Variants in ACP3 observed in about 807,000 individuals in gnomAD.
ACP3 encodes the protein prostatic acid phosphatase.
A neutral mutation model predicts 45.6 loss-of-function variants in ACP3; 38 were observed. The observed-to-expected ratio is 0.83, with a 90% CI of 0.64 to 1.09. The LOEUF is 1.09. Ranked by LOEUF, ACP3 falls within the 50% of genes least tolerant of loss-of-function variation. The pLI, the probability that ACP3 is intolerant of heterozygous loss-of-function variation, is 0.00. For synonymous variants in ACP3, 162 were observed against 164.7 expected (o/e 0.98, Z 0.13); for missense variants, 466 against 463.2 (o/e 1.01, Z -0.05).
intron 4 of ACP3, 112 bp downstream of exon 4, chr3:132,332,456 T>A: frequency 8.3e-7 from 1 of 1,211,174 alleles, no homozygotes; most frequent in Non-Finnish European, 1.2e-6. Context: ...TGTGCAGTTT[T>A]AATTCTTTCT....
chr3:132,352,859 T>C (rs1559841972), intron 9 of ACP3, 36 bp downstream of exon 9: 10 of 1,420,160 alleles, frequency 7.0e-6, no homozygotes, highest in Non-Finnish European at 1.0e-5. Flanking sequence ...TCAGTATCAC[T>C]GGACCTTGGG....
At chr3:132,348,952 T>C (rs1008933146) in intron 7 of ACP3, among the ~76,000 whole-genome samples, 3 of 130,806 alleles carry the variant, frequency 2.3e-5, no homozygotes, top group Non-Finnish European at 5.3e-5. Context: ...CTACAGAACC[T>C]GAGATTATAG....
At chr3:132,361,475 C>T (rs1456642886), downstream of ACP3, among the ~76,000 whole-genome samples, 1 of 152,146 alleles carries the variant, frequency 6.6e-6, no homozygotes, top group African/African-American at 2.4e-5. Context: ...ATACCTAAGC[C>T]TCTAGATCAA....
At chr3:132,337,063 G>GGTGTGTGTGT in intron 4 of ACP3, among the ~76,000 whole-genome samples, 2 of 144,996 alleles carry the variant, frequency 1.4e-5, no homozygotes, top group South Asian at 2.2e-4. Context: ...CATGCGTTGG[G>GGTGTGTGTGT]GTGTGTGTGT....
chr3:132,359,374 G>A (rs565779441), downstream of ACP3, among the ~76,000 whole-genome samples: 34 of 152,248 alleles, frequency 2.2e-4, no homozygotes, highest in East Asian at 7.7e-4. Flanking sequence ...CGGGCATGGT[G>A]GCGGGCACCT....
chr3:132,339,633 C>G (rs1479041649), intron 5 of ACP3, among the ~76,000 whole-genome samples: 1 of 152,186 alleles, frequency 6.6e-6, no homozygotes, highest in African/African-American at 2.4e-5. Context: ...AAGGATATTA[C>G]AAAAGATATA....
chr3:132,329,172 A>G (rs1380944992), intron 2 of ACP3, among the ~76,000 whole-genome samples: 1 of 152,194 alleles, frequency 6.6e-6, no homozygotes. Flanking sequence ...GGCCAGGTGA[A>G]TTGCTTCTGT....
chr3:132,354,499 T>C (rs1000482181), intron 9 of ACP3, among the ~76,000 whole-genome samples: 1 of 152,228 alleles, frequency 6.6e-6, no homozygotes, highest in Non-Finnish European at 1.5e-5. Flanking sequence ...ATTTTTTTTA[T>C]TGGCACTCCA....
At chr3:132,333,562 T>G (rs1266166132) in intron 4 of ACP3, 1 of 152,602 alleles carries the variant, frequency 6.6e-6, no homozygotes, top group East Asian at 1.9e-4. Flanking sequence ...ATCTAGGGAC[T>G]TAGGGATTTT....
In ACP3 at chr3:132,352,714, C is replaced by G. The variant is rs758267901; in HGVS notation, c.865-6C>G. ...CAGGCGATAAAATTGATTTCAATCT[C>G]TGTAGCATGACACTACTGTGAGTGG... On this transcript the variant is annotated splice_region_variant and splice_polypyrimidine_tract_variant and intron_variant, in intron 8 of 9. Coordinates refer to ENST00000336375, the MANE Select transcript of ACP3 (RefSeq NM_001099.5). The G allele has an allele frequency of 5.6e-6, 9 of 1,602,194 alleles. No individual in the cohort carries two copies. In the East Asian group the frequency reaches 2.0e-4, roughly 36 times the overall value.
chr3:132,321,163 G>A (rs984677692), intron 1 of ACP3, among the ~76,000 whole-genome samples: 5 of 151,930 alleles, frequency 3.3e-5, no homozygotes, highest in Admixed American at 6.6e-5. Context: ...AAACCCTGTC[G>A]CTTGGGTTGG....
Position 132,349,929 on chromosome 3 carries a change from T to C in ACP3, c.791T>C (p.Val264Ala). 1 of 1,611,768 alleles carries C rather than the reference T, an allele frequency of 6.2e-7. No individual in the cohort carries two copies. The highest frequency in any genetic ancestry group is 8.5e-7 in the Non-Finnish European group (1 of 1,177,910). Residue 264 changes from valine to alanine, a missense_variant, in exon 8 of 10, where the codon GTC (valine) becomes GCC (alanine). Transcript: ENST00000336375. ...ATTCATCTTCTTTAAGGTGTCCTGG[T>C]CAATGAAATCCTCAATCACATGAAG... Reference protein sequence around the residue: ...EKSRLQGGVLVNEILNHMKRA... With the variant: ...EKSRLQGGVLANEILNHMKRA...
At chr3:132,338,346 C>T (rs1341606897) in intron 5 of ACP3, among the ~76,000 whole-genome samples, 2 of 150,164 alleles carry the variant, frequency 1.3e-5, no homozygotes, top group African/African-American at 2.5e-5. Context: ...AAAGAGTTTC[C>T]TCCTTTTCTT....
rs943823954 is a variant in ACP3, at chr3:132,358,454, T to C, written c.*1576T>C. On this transcript the variant is annotated 3_prime_UTR_variant, in exon 10 of 10. Coordinates refer to ENST00000336375, the MANE Select transcript of ACP3 (RefSeq NM_001099.5). ...CTGCCCACTCTGCAAGAAGAAATCATGATATAGCTTTGCCATGTGGCAGAT... is the reference window on the plus strand; with the variant it reads ...CTGCCCACTCTGCAAGAAGAAATCACGATATAGCTTTGCCATGTGGCAGAT... The C allele has an allele frequency of 1.8e-5, 23 of 1,276,346 alleles. No homozygotes were observed. The African/African-American group carries it at 2.7e-4, about 15-fold the overall frequency. The allele number at this position is 1,276,346 out of a possible 1,614,324, so 79.1% of individuals were successfully genotyped here.
In ACP3 at chr3:132,358,747, T is replaced by G. The variant is rs1386876569; in HGVS notation, c.*1869T>G. ...GTAAAATAGTGAATAAAGTCATTAT[T>G]AGGAAGTTCAAAAGCATTGCTTTTA... On this transcript the variant is annotated 3_prime_UTR_variant, in exon 10 of 10. Coordinates refer to ENST00000336375, the MANE Select transcript of ACP3 (RefSeq NM_001099.5). 2 of 989,318 alleles carry G rather than the reference T, an allele frequency of 2.0e-6. No individual in the cohort carries two copies. Among genetic ancestry groups the G allele is most frequent in the Non-Finnish European group, 2.4e-6 (2 of 832,208 alleles). The allele number at this position is 989,318 out of a possible 1,614,324, so 61.3% of individuals were successfully genotyped here. A position where few individuals can be genotyped will look rare whatever the true frequency, so the allele number is the denominator to read the frequency against.
At chr3:132,352,235 C>G (rs143156377) in intron 8 of ACP3, among the ~76,000 whole-genome samples, 1 of 152,170 alleles carries the variant, frequency 6.6e-6, no homozygotes, top group East Asian at 1.9e-4. Context: ...GAGTCCCGCT[C>G]TGTCACCTTC....
intron 5 of ACP3, among the ~76,000 whole-genome samples, chr3:132,341,297 C>A (rs1020189064): frequency 6.6e-6 from 1 of 152,002 alleles, no homozygotes; most frequent in Admixed American, 6.6e-5. Context: ...AGGAAATATC[C>A]ACCTTTCTTA....
At chr3:132,330,259 G>A (rs1380822690) in intron 2 of ACP3, among the ~76,000 whole-genome samples, 1 of 151,976 alleles carries the variant, frequency 6.6e-6, no homozygotes, top group South Asian at 2.1e-4. Flanking sequence ...ATAAGATGAT[G>A]GCTGTCTAGA....
Position 132,332,183 on chromosome 3 carries a change from C to T in ACP3, c.304-9C>T. The T allele has an allele frequency of 6.2e-7, 1 of 1,614,038 alleles. No homozygotes were observed. Among genetic ancestry groups the T allele is most frequent in the Non-Finnish European group, 8.5e-7 (1 of 1,179,960 alleles). The stretch of plus-strand genomic sequence containing the variant: ...TACGTTCGCTTCTGCTTTGATTTTC[C>T]TACTCTAGGTTTATATTCGAAGCAC... On this transcript the variant is annotated splice_polypyrimidine_tract_variant and intron_variant, in intron 3 of 9. Coordinates refer to ENST00000336375, the MANE Select transcript of ACP3 (RefSeq NM_001099.5).
Sources: allele counts gnomAD v4.1 joint callset (sites outside exome capture counted in the v4.1 genomes callset), GRCh38; gene constraint gnomAD v4.1.1; transcripts MANE v1.5; gene names NCBI Gene and HGNC (gene_info 2026-07-23, HGNC 2026-07-21).